Variants in PBDC1 observed in about 807,000 individuals in gnomAD.
The protein encoded by PBDC1 is protein PBDC1.
A neutral mutation model predicts 12.0 loss-of-function variants in PBDC1; 3 were observed. The ratio of observed to expected loss-of-function variants is 0.25; its 90% CI spans 0.11 to 0.64. The LOEUF (loss-of-function observed/expected upper bound fraction) is 0.64. Among genes scored for constraint, PBDC1 ranks in the 30% least tolerant of loss-of-function variants. The pLI is 0.84. For missense variants in PBDC1, 162 were observed against 168.1 expected (o/e 0.96, Z 0.20); for synonymous variants, 64 against 56.4 (o/e 1.13, Z -0.60).
chrX:76,173,529 G>A, intron 1 of PBDC1, 56 bp from the exon 2 acceptor site: 1 of 957,220 alleles, frequency 1.0e-6, no homozygotes, highest in East Asian at 3.3e-5. Flanking sequence ...GGCCTTGGGG[G>A]GAGCCACCGC....
intron 4 of PBDC1, among the ~76,000 whole-genome samples, chrX:76,176,547 TTG>T (rs1388438037): frequency 8.9e-6 from 1 of 112,342 alleles, no homozygotes; most frequent in Non-Finnish European, 1.9e-5. Flanking sequence ...TTAAAATCAT[TTG>T]TGTTTTAGTG....
chrX:76,177,878 A>T lies in PBDC1; in HGVS notation c.672A>T (p.Glu224Asp). The T allele has an allele frequency of 8.3e-7, 1 of 1,211,571 alleles. No homozygotes were observed. The highest frequency in any genetic ancestry group is 1.1e-6 in the Non-Finnish European group (1 of 895,422). The change falls in exon 6 of 6, where the codon GAA becomes GAT. Residue 224 changes from glutamate (E) to aspartate (D), a missense_variant. Around this residue, in one of 3 missense-constraint regions of PBDC1, gnomAD observed 100 missense variants for 96.2 expected, o/e 1.04. Transcript: ENST00000373358. The stretch of plus-strand genomic sequence containing the variant: ...AAAAAGGGAAAGAAGCTGACAAAGA[A>T]ATCAACAAAAGTGGTGAAAAAGCTA... ...GGEKGKEADKEINKSGEKAM is the reference protein window; with the variant it reads ...GGEKGKEADKDINKSGEKAM
intron 2 of PBDC1, among the ~76,000 whole-genome samples, chrX:76,174,398 C>T (rs1200978331): frequency 1.8e-5 from 2 of 111,868 alleles, no homozygotes; most frequent in Non-Finnish European, 3.8e-5. Flanking sequence ...CTTATTATAA[C>T]CTTGACCTGT....
intron 4 of PBDC1, 115 bp downstream of exon 4, chrX:76,175,728 A>G: frequency 1.9e-6 from 1 of 534,885 alleles, no homozygotes; most frequent in Non-Finnish European, 2.9e-6. Context: ...AAAGAACCAG[A>G]ACTTCTTTTC....
chrX:76,173,365 C>T (rs956766691), intron 1 of PBDC1, among the ~76,000 whole-genome samples, 197 bp downstream of exon 1: 1 of 111,155 alleles, frequency 9.0e-6, no homozygotes, highest in Non-Finnish European at 1.9e-5. Context: ...GGACTACAGG[C>T]CCGTGCCACC....
rs371814704 is a variant in PBDC1 at position 76,174,962 on chromosome X, T to C, written c.156+13T>C. On this transcript the variant is annotated intron_variant, in intron 3 of 5. Transcript: ENST00000373358. ...AGTCTATTACAAGGTGAGTTGTCTT[T>C]CTTCATCATTAAGCAGAATTAAACA... The C allele has an allele frequency of 5.3e-6, 6 of 1,136,473 alleles. No homozygotes were observed. In the African/African-American group the frequency reaches 1.1e-4, roughly 20 times the overall value. The allele number at this position is 1,136,473 out of a possible 1,213,427, so 93.7% of individuals were successfully genotyped here. A position where few individuals can be genotyped will look rare whatever the true frequency, so the allele number is the denominator to read the frequency against.
Position 76,177,910 on chromosome X carries a change from G to A in PBDC1, c.*2G>A. The A allele has an allele frequency of 1.7e-6, 2 of 1,210,478 alleles. No homozygotes were observed. The highest frequency in any genetic ancestry group is 2.2e-6 in the Non-Finnish European group (2 of 894,605). On this transcript the variant is annotated 3_prime_UTR_variant, in exon 6 of 6. Coordinates refer to ENST00000373358, the MANE Select transcript of PBDC1 (RefSeq NM_016500.5). ...AAAAGTGGTGAAAAAGCTATGTAAG[G>A]TATACAGGGAACAGCACTCTAGAAG... is the stretch of plus-strand genomic sequence containing the variant.
Position 76,173,065 on chromosome X carries a change from A to C in PBDC1, c.-74A>C. The C allele has an allele frequency of 2.8e-6, 3 of 1,074,547 alleles. No homozygotes were observed. Among genetic ancestry groups the C allele is most frequent in the Non-Finnish European group, 2.5e-6 (2 of 789,002 alleles). The allele number at this position is 1,074,547 out of a possible 1,213,427, so 88.6% of individuals were successfully genotyped here. On this transcript the variant is annotated 5_prime_UTR_variant, in exon 1 of 6. Transcript: ENST00000373358. ...AGGGAGAGCGCACGGTGGAGCCGCC[A>C]GTTGAGAAGGACTCTGATCCGGCTC... is the stretch of plus-strand genomic sequence containing the variant.
intron 1 of PBDC1, 35 bp from the exon 2 acceptor site, chrX:76,173,550 G>C (rs1556796626): frequency 5.3e-6 from 6 of 1,129,520 alleles, no homozygotes; most frequent in Admixed American, 4.8e-5. Context: ...GCCCGGCCTT[G>C]GGGGGAGCCT....
At chrX:76,174,803 T>C in intron 2 of PBDC1, 87 bp from the exon 3 acceptor site, 1 of 725,047 alleles carries the variant, frequency 1.4e-6, no homozygotes, top group Non-Finnish European at 2.2e-6. Context: ...TCTTGAGCAT[T>C]AACTAGACAT....
chrX:76,176,109 A>T (rs782461372), intron 4 of PBDC1, among the ~76,000 whole-genome samples: 1 of 108,399 alleles, frequency 9.2e-6, no homozygotes, highest in Non-Finnish European at 1.9e-5. Context: ...CTAATGAAGA[A>T]TCTAAAGTTT....
chrX:76,177,138 T>C (rs1924813734), intron 5 of PBDC1, 146 bp downstream of exon 5: 1 of 419,520 alleles, frequency 2.4e-6, no homozygotes, highest in African/African-American at 2.5e-5. Context: ...AACTTGAAGA[T>C]AGTTAAGTAT....
Position 76,177,940 on chromosome X carries a change from G to A in PBDC1, c.*32G>A. Reference sequence around the variant, plus strand: ...CAGGGAACAGCACTCTAGAAGCTATGACTCAATTGAGACTACAAGTACCAC... The same window carrying A: ...CAGGGAACAGCACTCTAGAAGCTATAACTCAATTGAGACTACAAGTACCAC... On this transcript the variant is annotated 3_prime_UTR_variant, in exon 6 of 6. Coordinates refer to ENST00000373358, the MANE Select transcript of PBDC1 (RefSeq NM_016500.5). 1 of 1,202,168 alleles carries A rather than the reference G, an allele frequency of 8.3e-7. No homozygotes were observed. The highest frequency in any genetic ancestry group is 3.0e-5 in the East Asian group (1 of 33,823).
chrX:76,175,684 A>G, intron 4 of PBDC1, 71 bp downstream of exon 4: 1 of 847,081 alleles, frequency 1.2e-6, no homozygotes, highest in Non-Finnish European at 1.6e-6. Context: ...GTTTTTTTAC[A>G]TTTAAGCTCT....
At chrX:76,176,136 T>A (rs1311176941) in intron 4 of PBDC1, among the ~76,000 whole-genome samples, 2 of 93,685 alleles carry the variant, frequency 2.1e-5, no homozygotes, top group African/African-American at 7.7e-5. Flanking sequence ...GTTTGTTTGT[T>A]TTGTTTTGTT....
chrX:76,173,482 C>T lies in PBDC1; in HGVS notation c.31-103C>T, dbSNP rs901501035. ...AGGCGATCCGCCCGCCTCGGCCTCC[C>T]AAAGTGCTGGGATTACAGGCACGAG... On this transcript the variant is annotated intron_variant, in intron 1 of 5. Transcript: ENST00000373358. 4 of 602,436 alleles carry T rather than the reference C, an allele frequency of 6.6e-6. No individual in the cohort carries two copies. The African/African-American group carries it at 6.8e-5, about 10-fold the overall frequency. The allele number at this position is 602,436 out of a possible 1,213,427, so 49.6% of individuals were successfully genotyped here.
In PBDC1 at chrX:76,173,143, C is replaced by T. The variant is rs868964354; in HGVS notation, c.5C>T (p.Ala2Val). Residue 2 changes from alanine (A) to valine (V), a missense_variant, in exon 1 of 6, where the codon GCG (alanine) becomes GTG (valine). Ala to Val is a moderately conservative substitution (Grantham distance 64). Around this residue, in one of 3 missense-constraint regions of PBDC1, gnomAD observed 41 missense variants for 28.5 expected, o/e 1.44. Coordinates refer to ENST00000373358, the MANE Select transcript of PBDC1 (RefSeq NM_016500.5). M[A>V]ATSGTDEPVS... ...CACGCTTTCGGGGGTTGCAAGATGG[C>T]GGCCACCAGTGGAACTGATGAGCCG... The T allele has an allele frequency of 8.5e-7, 1 of 1,177,518 alleles. No individual in the cohort carries two copies. The highest frequency in any genetic ancestry group is 1.1e-6 in the Non-Finnish European group (1 of 877,793).
At chrX:76,173,776 G>C (rs1406571272) in intron 2 of PBDC1, 126 bp downstream of exon 2, 2 of 352,835 alleles carry the variant, frequency 5.7e-6, no homozygotes, top group African/African-American at 5.3e-5. Context: ...ACTTACACCA[G>C]AAACTGCACC....
At chrX:76,173,539 C>T in intron 1 of PBDC1, 46 bp from the exon 2 acceptor site, 1 of 1,061,845 alleles carries the variant, frequency 9.4e-7, no homozygotes, top group Non-Finnish European at 1.3e-6. Context: ...GGAGCCACCG[C>T]GCCCGGCCTT....
Sources: gnomAD v4.1 joint callset for allele counts (sites outside exome capture counted in the v4.1 genomes callset) on GRCh38, gnomAD v4.1.1 for gene constraint, gnomAD v4.1.1 regional missense constraint, MANE v1.5 for transcripts, NCBI Gene and HGNC (gene_info 2026-07-23, HGNC 2026-07-21) for gene names.